The following BRIP1 variants were observed in gnomAD, a reference collection of about 807,000 sequenced individuals.
BRIP1 encodes the protein Fanconi anemia group J protein.
BRIP1 carries 88 observed loss-of-function variants against 119.7 expected under a neutral mutation model. The observed-to-expected ratio is 0.74, with a 90% CI of 0.62 to 0.88. The LOEUF is 0.88. Among genes scored for constraint, BRIP1 ranks in the 40% least tolerant of loss-of-function variants. BRIP1 has a pLI of 0.00. For missense variants in BRIP1, 1,259 were observed against 1,455.4 expected (o/e 0.87, Z 2.20); for synonymous variants, 443 against 496.5 (o/e 0.89, Z 1.43).
At chr17:61,858,895 T>C (rs1441931405) in intron 3 of BRIP1, among the ~76,000 whole-genome samples, 1 of 152,036 alleles carries the variant, frequency 6.6e-6, no homozygotes, top group Non-Finnish European at 1.5e-5. Context: ...AGGCATTTGT[T>C]AGCAAACAAA....
chr17:61,782,190 T>C (rs893181194), intron 11 of BRIP1, among the ~76,000 whole-genome samples: 6 of 151,374 alleles, frequency 4.0e-5, no homozygotes, highest in Admixed American at 1.3e-4. Context: ...TCGAGACCAT[T>C]CTGGCTAACA....
rs1334862147 is a variant in BRIP1, at chr17:61,776,180, C to G, written c.2097+221G>C. 1.9e-5 allele frequency: 10 copies of G among 538,774 alleles called. No homozygotes were observed. The highest frequency in any genetic ancestry group is 2.6e-5 in the Non-Finnish European group (8 of 308,114). The allele number at this position is 538,774 out of a possible 1,614,324, so 33.4% of individuals were successfully genotyped here. A position where few individuals can be genotyped will look rare whatever the true frequency, so the allele number is the denominator to read the frequency against. ...TACAAGCATGAGCCACCACGTCCAG[C>G]CTTGCTCTTTCAGACTTTTAAGTAA... On this transcript the variant is annotated intron_variant, in intron 14 of 19. Transcript: ENST00000259008. The surrounding 1 kb of genome is among the most constrained non-coding windows in gnomAD (Gnocchi z 5.0).
intron 18 of BRIP1, among the ~76,000 whole-genome samples, chr17:61,692,795 T>C (rs982743063): frequency 7.9e-5 from 12 of 152,196 alleles, no homozygotes; most frequent in African/African-American, 2.7e-4. Context: ...ATGGTGCAGT[T>C]GCTATGAAGA....
rs73328551 is a variant in BRIP1, at chr17:61,729,361, A to G, written c.2380-13298T>C. On this transcript the variant is annotated intron_variant, in intron 16 of 19. Coordinates refer to ENST00000259008, the MANE Select transcript of BRIP1 (RefSeq NM_032043.3). The surrounding 1 kb of genome is among the most constrained non-coding windows in gnomAD (Gnocchi z 5.6). ...TACAGTGAACAGTATTTTCATAGTC[A>G]TGATAATGTACATAATAACTATAGA... Among the ~76,000 whole-genome samples the G allele has an allele frequency of 6.2e-4, 94 of 152,324 alleles. No individual in the cohort carries two copies. The highest frequency in any genetic ancestry group is 2.1e-3 in the African/African-American group (89 of 41,574).
At position 61,808,851 on chromosome 17, in the gene BRIP1, T is replaced by C; in HGVS notation, c.628-94A>G. ...GGAATCAGAACCTGTAAGTAATGAA[T>C]CACAATGGTCAAATAAAGAGAAATA... On this transcript the variant is annotated intron_variant, in intron 6 of 19. Transcript: ENST00000259008. The surrounding 1 kb of genome is among the most constrained non-coding windows in gnomAD (Gnocchi z 4.1). The C allele has an allele frequency of 4.1e-6, 5 of 1,223,948 alleles. No individual in the cohort carries two copies. The highest frequency in any genetic ancestry group is 4.7e-6 in the Non-Finnish European group (4 of 856,572). 75.8% of individuals were successfully genotyped at this position (1,223,948 alleles called of 1,614,324 possible).
In BRIP1 at chr17:61,849,261, T is replaced by C. The variant is rs587782131; in HGVS notation, c.380-5A>G. On this transcript the variant is annotated splice_region_variant and splice_polypyrimidine_tract_variant and intron_variant, in intron 4 of 19. Coordinates refer to ENST00000259008, the MANE Select transcript of BRIP1 (RefSeq NM_032043.3). The stretch of plus-strand genomic sequence containing the variant: ...GAGTGGTTTTTTCAGGGGAGTCTTA[T>C]ATAAGTAATTTAAAAAAAACAGCAT... 45 of 1,607,660 alleles carry C rather than the reference T, an allele frequency of 2.8e-5. 1 individual carries two copies. The Admixed American group carries it at 6.2e-4, about 22-fold the overall frequency.
intron 17 of BRIP1, among the ~76,000 whole-genome samples, chr17:61,696,064 C>G (rs2061514780): frequency 6.6e-6 from 1 of 152,078 alleles, no homozygotes; most frequent in Non-Finnish European, 1.5e-5. Context: ...AAAAACATTT[C>G]AGTCTTTTAA....
chr17:61,719,233 C>G (rs747128772), intron 16 of BRIP1, among the ~76,000 whole-genome samples: 23 of 149,954 alleles, frequency 1.5e-4, no homozygotes, highest in Non-Finnish European at 3.0e-5. Flanking sequence ...TGGAATCAAC[C>G]TAGGTATCCA....
At position 61,773,522 on chromosome 17, in the gene BRIP1, C is replaced by T. The variant is rs572029559; in HGVS notation, c.2097+2879G>A. 8.5e-5 allele frequency among the ~76,000 whole-genome samples: 13 copies of T among 152,158 alleles called. No individual in the cohort carries two copies. The South Asian group carries it at 1.5e-3, about 17-fold the overall frequency. On this transcript the variant is annotated intron_variant, in intron 14 of 19. Coordinates refer to ENST00000259008, the MANE Select transcript of BRIP1 (RefSeq NM_032043.3). ...ATGGGCAAGGACTTCATGACTAAAA[C>T]GCCAAAATCAATGACAACAAAAGCC...
chr17:61,859,711 G>T, intron 3 of BRIP1, 85 bp downstream of exon 3: 4 of 876,686 alleles, frequency 4.6e-6, no homozygotes, highest in South Asian at 2.7e-5. Flanking sequence ...GCGACAGCAT[G>T]GCTGAACCAG....
At chr17:61,797,578 A>C (rs1280596425) in intron 9 of BRIP1, among the ~76,000 whole-genome samples, 1 of 152,064 alleles carries the variant, frequency 6.6e-6, no homozygotes, top group Non-Finnish European at 1.5e-5. Context: ...CAACTCTTTC[A>C]ACAAGTTATG....
intron 14 of BRIP1, among the ~76,000 whole-genome samples, chr17:61,749,706 T>C (rs887579931): frequency 2.0e-5 from 3 of 152,114 alleles, no homozygotes; most frequent in Non-Finnish European, 4.4e-5. Flanking sequence ...AAAATCAAAA[T>C]AAAACAGTAT....
intron 18 of BRIP1, among the ~76,000 whole-genome samples, chr17:61,692,511 T>C (rs1004110299): frequency 6.6e-6 from 1 of 151,616 alleles, no homozygotes; most frequent in Non-Finnish European, 1.5e-5. Context: ...AAAACAGATA[T>C]GCAAAGAAAT....
chr17:61,827,246 A>G lies in BRIP1; in HGVS notation c.628-18489T>C, dbSNP rs2078423254. On this transcript the variant is annotated intron_variant, in intron 6 of 19. Coordinates refer to ENST00000259008, the MANE Select transcript of BRIP1 (RefSeq NM_032043.3). This position sits in a 1 kb window ranked among gnomAD's most constrained non-coding sequence, Gnocchi z 5.8. ...GAGAACATATGGAAACATAAAGGGG[A>G]AAAACACACAATGGGGCCTATCAGA... is the stretch of plus-strand genomic sequence containing the variant. Among the ~76,000 whole-genome samples, 1 of 152,144 alleles carries G rather than the reference A, an allele frequency of 6.6e-6. No homozygotes were observed. Among genetic ancestry groups the G allele is most frequent in the Admixed American group, 6.6e-5 (1 of 15,266 alleles).
rs1308814010 is a variant in BRIP1 at position 61,774,514 on chromosome 17, G to C, written c.2097+1887C>G. Among the ~76,000 whole-genome samples the C allele has an allele frequency of 1.3e-5, 2 of 152,060 alleles. No homozygotes were observed. The highest frequency in any genetic ancestry group is 2.4e-5 in the African/African-American group (1 of 41,420). On this transcript the variant is annotated intron_variant, in intron 14 of 19. Coordinates refer to ENST00000259008, the MANE Select transcript of BRIP1 (RefSeq NM_032043.3). This position sits in a 1 kb window ranked among gnomAD's most constrained non-coding sequence, Gnocchi z 5.8. ...ACGAGTTGATGGGTGCAGCAAACCA[G>C]CATGGCACATGTATACGTATGTAAC...
rs2077410773 is a variant in BRIP1, at chr17:61,769,029, A to G, written c.2097+7372T>C. On this transcript the variant is annotated intron_variant, in intron 14 of 19. Transcript: ENST00000259008. This position sits in a 1 kb window ranked among gnomAD's most constrained non-coding sequence, Gnocchi z 4.9. ...GACCTGAATGCAACCTTTAAGACCTAAGAGTCATCCTTAGCCAACAGCCCG... is the reference window on the plus strand; with the variant it reads ...GACCTGAATGCAACCTTTAAGACCTGAGAGTCATCCTTAGCCAACAGCCCG... Among the ~76,000 whole-genome samples the G allele has an allele frequency of 6.6e-6, 1 of 152,158 alleles. No individual in the cohort carries two copies. Among genetic ancestry groups the G allele is most frequent in the South Asian group, 2.1e-4 (1 of 4,830 alleles).
chr17:61,823,184 A>G lies in BRIP1; in HGVS notation c.628-14427T>C, dbSNP rs2078351740. Among the ~76,000 whole-genome samples the G allele has an allele frequency of 6.6e-6, 1 of 152,234 alleles. No homozygotes were observed. The highest frequency in any genetic ancestry group is 1.5e-5 in the Non-Finnish European group (1 of 68,034). ...CAACATCTGGCTTATAGTAGTTTTC[A>G]CTTAGAACAATGCATATATTTGTTT... On this transcript the variant is annotated intron_variant, in intron 6 of 19. Transcript: ENST00000259008. The surrounding 1 kb of genome is among the most constrained non-coding windows in gnomAD (Gnocchi z 4.8).
chr17:61,764,147 G>C (rs2077317197), intron 14 of BRIP1, among the ~76,000 whole-genome samples: 3 of 152,302 alleles, frequency 2.0e-5, no homozygotes, highest in Admixed American at 6.5e-5. Context: ...AAGTGCATTT[G>C]CGCTGGCCTT....
At chr17:61,838,440 G>T (rs2145676204) in intron 6 of BRIP1, among the ~76,000 whole-genome samples, 1 of 151,926 alleles carries the variant, frequency 6.6e-6, no homozygotes, top group Non-Finnish European at 1.5e-5. Flanking sequence ...CAGCTACTTG[G>T]GAGGCTGAGG....
Sources: gnomAD v4.1 joint callset for allele counts (sites outside exome capture counted in the v4.1 genomes callset) on GRCh38, gnomAD v4.1.1 for gene constraint, Gnocchi (gnomAD v3.1) non-coding constraint, MANE v1.5 for transcripts, NCBI Gene and HGNC (gene_info 2026-07-23, HGNC 2026-07-21) for gene names.